Variants in TMEM40 observed in about 807,000 individuals in gnomAD.
The protein encoded by TMEM40 is transmembrane protein 40.
Under a neutral mutation model 40.8 loss-of-function variants are expected in TMEM40, and 34 were observed. That is an observed-to-expected ratio of 0.83 (90% confidence interval 0.63 to 1.11). TMEM40 has a LOEUF of 1.11. Ranked by LOEUF, TMEM40 falls within the 50% of genes least tolerant of loss-of-function variation. The probability of loss-of-function intolerance (pLI) is 0.00; values close to 1 mark genes in which losing one functional copy is unlikely to be tolerated. For missense variants in TMEM40, 296 were observed against 280.2 expected (o/e 1.06, Z -0.40); for synonymous variants, 106 against 107.0 (o/e 0.99, Z 0.06).
At chr3:12,738,798 C>A in intron 5 of TMEM40, 1 of 558,480 alleles carries the variant, frequency 1.8e-6, no homozygotes. Context: ...GAACGCCTAC[C>A]CACTCTTACA....
intron 11 of TMEM40, 132 bp downstream of exon 11, chr3:12,735,423 C>G: frequency 1.2e-6 from 1 of 845,358 alleles, no homozygotes; most frequent in South Asian, 1.5e-5. Context: ...AGCTAGTAAA[C>G]TGGCAGAGGT....
At chr3:12,758,524 C>G (rs1299650111) in intron 1 of TMEM40, among the ~76,000 whole-genome samples, 2 of 152,134 alleles carry the variant, frequency 1.3e-5, no homozygotes, top group East Asian at 3.8e-4. Flanking sequence ...GTCTGCCAAG[C>G]CCCCCTCCCC....
intron 4 of TMEM40, 70 bp from the exon 5 acceptor site, chr3:12,742,577 G>T (rs2061392550): frequency 6.4e-7 from 1 of 1,561,050 alleles, no homozygotes; most frequent in Non-Finnish European, 8.8e-7. Flanking sequence ...CCTCTCCCAT[G>T]GCTTCGACGC....
Position 12,736,813 on chromosome 3 carries a change from G to T in TMEM40, c.495C>A (p.Leu165=), listed in dbSNP as rs1345326620. 6 of 1,614,006 alleles carry T rather than the reference G, an allele frequency of 3.7e-6. No homozygotes were observed. Among genetic ancestry groups the T allele is most frequent in the Non-Finnish European group, 5.1e-6 (6 of 1,180,034 alleles). The change falls in exon 9 of 12, where the codon CTC becomes CTA. Residue 165 remains leucine (L), a synonymous_variant. Coordinates refer to ENST00000314124, the MANE Select transcript of TMEM40 (RefSeq NM_018306.4). The stretch of plus-strand genomic sequence containing the variant: ...GCAAGGCCCCGATGGCAAAGCACAG[G>T]AGGACGAAATGGAAAAACTCATCTG... ...KKDDEFFHFV[L]LCFAIGALLV...
chr3:12,755,217 C>CTT (rs1408215739), intron 1 of TMEM40, among the ~76,000 whole-genome samples: 6 of 81,056 alleles, frequency 7.4e-5, no homozygotes, highest in Admixed American at 5.8e-4. Context: ...CTTTCTTTCT[C>CTT]TCTCTCTCTC....
At chr3:12,736,038 T>A (rs1384476692) in intron 10 of TMEM40, among the ~76,000 whole-genome samples, 2 of 152,214 alleles carry the variant, frequency 1.3e-5, no homozygotes, top group Non-Finnish European at 2.9e-5. Flanking sequence ...TTTGGCACTT[T>A]AAACTGTTGC....
chr3:12,744,479 G>C (rs1307323176), intron 3 of TMEM40, among the ~76,000 whole-genome samples: 1 of 152,150 alleles, frequency 6.6e-6, no homozygotes, highest in Non-Finnish European at 1.5e-5. Context: ...GCTCACACTG[G>C]TCTTGCCTTT....
rs755760542 is a variant in TMEM40, at chr3:12,749,817, A to G, written c.16T>C (p.Ser6Pro). METSA[S>P]SSQPQDNSQV... ...CTGTTGTCCTGAGGCTGGGAGGAGG[A>G]TGCTGAAGTCTCCATGGCTTTTCCT... The change falls in exon 2 of 12, where the codon TCC becomes CCC. Residue 6 changes from serine to proline, a missense_variant. Ser to Pro is a moderately conservative substitution (Grantham distance 74). Transcript: ENST00000314124. 3 of 1,614,066 alleles carry G rather than the reference A, an allele frequency of 1.9e-6. No homozygotes were observed. The highest frequency in any genetic ancestry group is 2.2e-5 in the East Asian group (1 of 44,888).
At position 12,734,284 on chromosome 3, in the gene TMEM40, C is replaced by T. The variant is rs533201631; in HGVS notation, c.*490G>A. The T allele has an allele frequency of 6.5e-6, 1 of 154,100 alleles. No homozygotes were observed. The highest frequency in any genetic ancestry group is 6.5e-5 in the Admixed American group (1 of 15,348). The allele number at this position is 154,100 out of a possible 1,614,324, so 9.5% of individuals were successfully genotyped here. ...CAAAAAAAATGGTTTTAGTCCTCAG[C>T]ATCTTACCTGCATCAGGTTCACCAA... On this transcript the variant is annotated 3_prime_UTR_variant, in exon 12 of 12. Transcript: ENST00000314124.
chr3:12,768,294 C>G (rs926713346), intron 1 of TMEM40, among the ~76,000 whole-genome samples: 2 of 152,102 alleles, frequency 1.3e-5, no homozygotes, highest in Non-Finnish European at 2.9e-5. Context: ...ACCCAAAGAG[C>G]AAAACAACAA....
At position 12,748,742 on chromosome 3, in the gene TMEM40, G is replaced by C. The variant is rs1433267756; in HGVS notation, c.124C>G (p.Gln42Glu). 1 of 1,614,112 alleles carries C rather than the reference G, an allele frequency of 6.2e-7. No homozygotes were observed. Among genetic ancestry groups the C allele is most frequent in the Non-Finnish European group, 8.5e-7 (1 of 1,180,006 alleles). ...KQDGKAGLFS[Q>E]EQYERNKSSS... The stretch of plus-strand genomic sequence containing the variant: ...GACTTGTTTCTCTCATATTGTTCTT[G>C]GGAAAAGAGTCCAGCCTTCCCATCT... Residue 42 changes from glutamine (Q) to glutamate (E), a missense_variant, in exon 3 of 12, where the codon CAA becomes GAA. Transcript: ENST00000314124.
intron 1 of TMEM40, 92 bp downstream of exon 1, chr3:12,759,099 C>T (rs948866990): frequency 1.3e-5 from 2 of 152,250 alleles, no homozygotes; most frequent in African/African-American, 2.4e-5. Context: ...AGGAACCACA[C>T]AATATCAAGC....
rs374244617 is a variant in TMEM40, at chr3:12,743,994, G to A, written c.212-5C>T. The A allele has an allele frequency of 8.4e-5, 136 of 1,610,072 alleles. No individual in the cohort carries two copies. The highest frequency in any genetic ancestry group is 2.1e-4 in the African/African-American group (16 of 75,002). On this transcript the variant is annotated splice_polypyrimidine_tract_variant and splice_region_variant and intron_variant, in intron 3 of 11. Transcript: ENST00000314124. Reference sequence around the variant, plus strand: ...GCTGGTCCTCATCATTGCTCTCTGCGGGTAACAAACACAAGCTGTAGGAGA... The same window carrying A: ...GCTGGTCCTCATCATTGCTCTCTGCAGGTAACAAACACAAGCTGTAGGAGA...
chr3:12,756,054 G>T (rs539736651), intron 1 of TMEM40, among the ~76,000 whole-genome samples: 7 of 152,294 alleles, frequency 4.6e-5, no homozygotes, highest in Admixed American at 1.3e-4. Context: ...AAGAGCAATG[G>T]AAAGGAGTCC....
In TMEM40 at chr3:12,743,811, T is replaced by C. The variant is rs80140223; in HGVS notation, c.301+89A>G. On this transcript the variant is annotated intron_variant, in intron 4 of 11. Coordinates refer to ENST00000314124, the MANE Select transcript of TMEM40 (RefSeq NM_018306.4). Reference sequence around the variant, plus strand: ...TCCTATTTTATCCTGCCATAAACAATGCTGTGAAGAACATCACACTTCAGT... The same window carrying C: ...TCCTATTTTATCCTGCCATAAACAACGCTGTGAAGAACATCACACTTCAGT... 573 of 1,255,348 alleles carry C rather than the reference T, an allele frequency of 4.6e-4. 4 individuals are homozygous for C. The African/African-American group carries it at 7.8e-3, about 17-fold the overall frequency. 77.8% of individuals were successfully genotyped at this position (1,255,348 alleles called of 1,614,324 possible).
chr3:12,745,471 C>G (rs192998942), intron 3 of TMEM40, among the ~76,000 whole-genome samples: 2 of 152,192 alleles, frequency 1.3e-5, no homozygotes, highest in East Asian at 3.9e-4. Flanking sequence ...TTTTTGGAGA[C>G]AGGGTCTCAC....
chr3:12,737,828 A>C (rs2061349068), intron 7 of TMEM40, 74 bp from the exon 8 acceptor site: 1 of 1,429,964 alleles, frequency 7.0e-7, no homozygotes, highest in African/African-American at 1.4e-5. Context: ...TCCCTGCCTC[A>C]TTGAGAATTA....
intron 3 of TMEM40, among the ~76,000 whole-genome samples, chr3:12,745,113 G>A (rs900826325): frequency 5.3e-5 from 8 of 151,988 alleles, no homozygotes; most frequent in African/African-American, 1.9e-4. Flanking sequence ...AGGCTGAAGT[G>A]CAATGGCGTG....
rs1343710959 is a variant in TMEM40, at chr3:12,742,437, A to G, written c.355+17T>C. 2 of 1,612,830 alleles carry G rather than the reference A, an allele frequency of 1.2e-6. No homozygotes were observed. Among genetic ancestry groups the G allele is most frequent in the African/African-American group, 2.7e-5 (2 of 74,980 alleles). On this transcript the variant is annotated intron_variant, in intron 5 of 11. Transcript: ENST00000314124. Reference sequence around the variant, plus strand: ...TCGTCTAATTGTTTTCTCCAAAGCTACTGGGCAACTGATTACCTCCATAGA... The same window carrying G: ...TCGTCTAATTGTTTTCTCCAAAGCTGCTGGGCAACTGATTACCTCCATAGA...
Sources: gnomAD v4.1 joint callset for allele counts (sites outside exome capture counted in the v4.1 genomes callset) on GRCh38, gnomAD v4.1.1 for gene constraint, MANE v1.5 for transcripts, NCBI Gene and HGNC (gene_info 2026-07-23, HGNC 2026-07-21) for gene names.